Variants in CNGB1 observed in about 807,000 individuals in gnomAD.
The protein encoded by CNGB1 is cyclic nucleotide-gated channel beta-1.
In CNGB1, 126 loss-of-function variants were observed where a neutral mutation model predicts 151.7. The observed-to-expected ratio is 0.83, with a 90% CI of 0.72 to 0.96. The LOEUF (loss-of-function observed/expected upper bound fraction) is 0.96. Among genes scored for constraint, CNGB1 ranks in the 40% least tolerant of loss-of-function variants. The pLI, the probability that CNGB1 is intolerant of heterozygous loss-of-function variation, is 0.00. For missense variants in CNGB1, 1,698 were observed against 1,627.0 expected (o/e 1.04, Z -0.75); for synonymous variants, 623 against 635.1 (o/e 0.98, Z 0.29).
In CNGB1 at chr16:57,962,948, C is replaced by A. The variant is rs2288484; in HGVS notation, c.381+26G>T. The A allele has an allele frequency of 9.7e-5, 156 of 1,612,740 alleles. No homozygotes were observed. In the East Asian group the frequency reaches 3.3e-3, roughly 34 times the overall value. Reference sequence around the variant, plus strand: ...CCCACAGCCCCTCTCCAACCCGGCCCCTTCAGCCTCCAGCCCCAGCAGTAC... The same window carrying A: ...CCCACAGCCCCTCTCCAACCCGGCCACTTCAGCCTCCAGCCCCAGCAGTAC... On this transcript the variant is annotated intron_variant, in intron 5 of 32. Coordinates refer to ENST00000251102, the MANE Select transcript of CNGB1 (RefSeq NM_001297.5).
chr16:57,919,339 T>C lies in CNGB1; in HGVS notation c.1802-85A>G, dbSNP rs562786568. The C allele has an allele frequency of 2.5e-6, 4 of 1,609,848 alleles. No homozygotes were observed. The African/African-American group carries it at 5.3e-5, about 21-fold the overall frequency. On this transcript the variant is annotated intron_variant, in intron 19 of 32. Coordinates refer to ENST00000251102, the MANE Select transcript of CNGB1 (RefSeq NM_001297.5). The stretch of plus-strand genomic sequence containing the variant: ...AGAGAAGGGTCCCAACTGCAGACCT[T>C]GGATCCAGATCTGAGAGGACCCTGG...
intron 20 of CNGB1, among the ~76,000 whole-genome samples, chr16:57,917,682 C>T (rs1402290999): frequency 6.6e-6 from 1 of 151,098 alleles, no homozygotes; most frequent in Non-Finnish European, 1.5e-5. Context: ...GCTTTAGGAG[C>T]CAGGCACAGT....
At chr16:57,904,620 C>A in intron 26 of CNGB1, 114 bp downstream of exon 26, 1 of 1,454,942 alleles carries the variant, frequency 6.9e-7, no homozygotes. Context: ...CAGTCTAGTG[C>A]CCTTTCCCAG....
At chr16:57,890,942 C>A (rs1415367521) in intron 31 of CNGB1, among the ~76,000 whole-genome samples, 1 of 152,246 alleles carries the variant, frequency 6.6e-6, no homozygotes, top group African/African-American at 2.4e-5. Flanking sequence ...CTGTTAGCCC[C>A]ATTCCTTCGC....
chr16:57,906,165 G>T (rs1960545324), intron 25 of CNGB1, among the ~76,000 whole-genome samples: 1 of 152,180 alleles, frequency 6.6e-6, no homozygotes, highest in African/African-American at 2.4e-5. Context: ...CAGCCATTCG[G>T]CTCAGCCACC....
At chr16:57,903,577 G>C (rs1960448389) in intron 27 of CNGB1, among the ~76,000 whole-genome samples, 1 of 152,202 alleles carries the variant, frequency 6.6e-6, no homozygotes, top group Admixed American at 6.5e-5. Flanking sequence ...TAAAGTGAGG[G>C]GGGCAGGCAC....
chr16:57,938,110 A>G (rs1485925637), intron 16 of CNGB1, among the ~76,000 whole-genome samples: 1 of 152,210 alleles, frequency 6.6e-6, no homozygotes, highest in East Asian at 1.9e-4. Flanking sequence ...GTCTAGGTCC[A>G]TACTTTTGAG....
intron 12 of CNGB1, among the ~76,000 whole-genome samples, chr16:57,953,509 A>G (rs565481719): frequency 5.4e-4 from 82 of 151,440 alleles, no homozygotes; most frequent in African/African-American, 8.2e-4. Context: ...AAAAAAAAAA[A>G]AAAGAAAGTC....
chr16:57,968,868 A>T (rs982033631), intron 1 of CNGB1, among the ~76,000 whole-genome samples: 1 of 116,536 alleles, frequency 8.6e-6, no homozygotes, highest in Admixed American at 8.0e-5. Context: ...CTCTATTTAA[A>T]AAAAAAAAAA....
At chr16:57,930,924 C>G (rs146048645) in intron 17 of CNGB1, among the ~76,000 whole-genome samples, 2 of 151,334 alleles carry the variant, frequency 1.3e-5, no homozygotes, top group Admixed American at 6.6e-5. Context: ...TCATGCAAGA[C>G]GAAAAATTCT....
In CNGB1 at chr16:57,892,368, C is replaced by T. The variant is rs116671056; in HGVS notation, c.3243-4294G>A. Among the ~76,000 whole-genome samples the T allele has an allele frequency of 2.2e-3, 337 of 152,284 alleles. 2 individuals are homozygous for T. The highest frequency in any genetic ancestry group is 7.7e-3 in the African/African-American group (320 of 41,582). On this transcript the variant is annotated intron_variant, in intron 31 of 32. Coordinates refer to ENST00000251102, the MANE Select transcript of CNGB1 (RefSeq NM_001297.5). ...CCTGGGGAGAGGAGGCACTGGCACG[C>T]ACCACTGATGTGGTGGGGAACGTGG... is the stretch of plus-strand genomic sequence containing the variant.
chr16:57,903,946 C>G lies in CNGB1; in HGVS notation c.2670G>C (p.Gln890His). ...RDVVGAATAG[Q>H]TYYRSCMDST... ...TGTCCATGCAGCTGCGGTAGTAGGT[C>G]TGTCCGGCGGTGGCGGCCCCTACCA... Residue 890 changes from glutamine (Q) to histidine (H), a missense_variant, in exon 27 of 33, where the codon CAG (glutamine) becomes CAC (histidine). Transcript: ENST00000251102. The G allele has an allele frequency of 6.2e-7, 1 of 1,614,060 alleles. No individual in the cohort carries two copies. Among genetic ancestry groups the G allele is most frequent in the Non-Finnish European group, 8.5e-7 (1 of 1,180,002 alleles).
At chr16:57,914,266 A>C (rs1394945368) in intron 23 of CNGB1, among the ~76,000 whole-genome samples, 1 of 151,768 alleles carries the variant, frequency 6.6e-6, no homozygotes, top group Non-Finnish European at 1.5e-5. Context: ...AACCTTCCTC[A>C]CTCTGATGTT....
intron 27 of CNGB1, 123 bp from the exon 28 acceptor site, chr16:57,901,748 T>G: frequency 2.6e-6 from 2 of 775,724 alleles, no homozygotes; most frequent in Admixed American, 4.0e-5. Context: ...ATGGAACCAC[T>G]CTGGATTTGT....
At chr16:57,947,385 T>C (rs1476581124) in intron 14 of CNGB1, among the ~76,000 whole-genome samples, 2 of 152,130 alleles carry the variant, frequency 1.3e-5, no homozygotes, top group Admixed American at 1.3e-4. Flanking sequence ...CACAGCTCCA[T>C]AGAAAGCAGA....
intron 1 of CNGB1, 176 bp from the exon 2 acceptor site, chr16:57,967,470 G>C: frequency 1.6e-6 from 1 of 618,802 alleles, no homozygotes; most frequent in Non-Finnish European, 2.8e-6. Flanking sequence ...GAGATGGGCC[G>C]ATTGCTTGAA....
At position 57,939,445 on chromosome 16, in the gene CNGB1, C is replaced by A. The variant is rs954174915; in HGVS notation, c.1357G>T (p.Ala453Ser). ...TKEEPEAEAE[A>S]ASSGVPATKQ... Reference sequence around the variant, plus strand: ...CCACACCTACCTCCTGAACTGGCAGCCTCGGCCTCAGCCTCAGGCTCCTCC... The same window carrying A: ...CCACACCTACCTCCTGAACTGGCAGACTCGGCCTCAGCCTCAGGCTCCTCC... Residue 453 changes from alanine to serine, a missense_variant, in exon 16 of 33, where the codon GCT becomes TCT. By Grantham distance (99) the Ala-to-Ser change is moderately conservative. Coordinates refer to ENST00000251102, the MANE Select transcript of CNGB1 (RefSeq NM_001297.5). 6.2e-7 allele frequency: 1 copy of A among 1,614,164 alleles called. No homozygotes were observed. The highest frequency in any genetic ancestry group is 1.1e-5 in the South Asian group (1 of 91,086).
intron 7 of CNGB1, among the ~76,000 whole-genome samples, chr16:57,961,217 G>A (rs1240644245): frequency 1.3e-5 from 2 of 152,220 alleles, no homozygotes; most frequent in South Asian, 2.1e-4. Context: ...CCCTGTGCTG[G>A]AACAGACAGG....
chr16:57,897,117 T>G (rs12924289), intron 31 of CNGB1, among the ~76,000 whole-genome samples: 1 of 151,910 alleles, frequency 6.6e-6, no homozygotes, highest in African/African-American at 2.4e-5. Context: ...CTAGGCAACA[T>G]AGTGAGACCC....
Sources: gnomAD v4.1 joint callset for allele counts (sites outside exome capture counted in the v4.1 genomes callset) on GRCh38, gnomAD v4.1.1 for gene constraint, MANE v1.5 for transcripts, NCBI Gene and HGNC (gene_info 2026-07-23, HGNC 2026-07-21) for gene names.